The following PRTFDC1 variants were observed in gnomAD, a reference collection of about 807,000 sequenced individuals.
PRTFDC1 encodes the protein phosphoribosyl transferase domain containing 1.
A neutral mutation model predicts 34.6 loss-of-function variants in PRTFDC1; 38 were observed. The ratio of observed to expected loss-of-function variants is 1.10; its 90% CI spans 0.85 to 1.44. PRTFDC1 has a LOEUF of 1.44. Ranked by LOEUF, PRTFDC1 falls within the 40% of genes most tolerant of loss-of-function variation. The pLI, the probability that PRTFDC1 is intolerant of heterozygous loss-of-function variation, is 0.00. For synonymous variants in PRTFDC1, 93 were observed against 98.1 expected, an observed-to-expected ratio of 0.95 and a Z score of 0.31; for missense variants, 270 against 283.0, an observed-to-expected ratio of 0.95 and a Z score of 0.33.
chr10:24,864,009 GTC>G (rs1254143397), intron 4 of PRTFDC1, among the ~76,000 whole-genome samples: 1 of 81,526 alleles, frequency 1.2e-5, no homozygotes, highest in Admixed American at 1.5e-4. Context: ...GCAACAACTC[GTC>G]TCAAAAAAAA....
intron 3 of PRTFDC1, among the ~76,000 whole-genome samples, chr10:24,886,661 G>C (rs1160843508): frequency 1.3e-5 from 2 of 152,130 alleles, no homozygotes; most frequent in Non-Finnish European, 2.9e-5. Context: ...GCCCAAGCTG[G>C]AGTGCAACGG....
intron 3 of PRTFDC1, among the ~76,000 whole-genome samples, chr10:24,893,342 G>A (rs1021899036): frequency 2.0e-5 from 3 of 152,078 alleles, no homozygotes; most frequent in East Asian, 1.9e-4. Context: ...GGGCAGGAGT[G>A]CAGTGACGCA....
chr10:24,875,846 G>GTTTTT (rs61379088), intron 3 of PRTFDC1, among the ~76,000 whole-genome samples: 1 of 96,730 alleles, frequency 1.0e-5, no homozygotes, highest in African/African-American at 4.2e-5. Context: ...AATTCTCATA[G>GTTTTT]TTTTTTTTTT....
intron 3 of PRTFDC1, among the ~76,000 whole-genome samples, chr10:24,920,546 G>A (rs1261158985): frequency 4.6e-5 from 7 of 150,850 alleles, no homozygotes; most frequent in African/African-American, 7.4e-5. Context: ...TGGAAGATGC[G>A]GCGACAGCAT....
At chr10:24,908,674 C>A in intron 3 of PRTFDC1, 1 of 1,604,626 alleles carries the variant, frequency 6.2e-7, no homozygotes. Flanking sequence ...TCCTCTTCAA[C>A]CGAGCACGCA....
intron 1 of PRTFDC1, among the ~76,000 whole-genome samples, chr10:24,945,103 A>C (rs957148552): frequency 3.3e-5 from 5 of 151,942 alleles, no homozygotes; most frequent in Non-Finnish European, 5.9e-5. Context: ...ATTCAATGTC[A>C]CCTCTGCAAA....
At chr10:24,946,993 G>A (rs997368013) in intron 1 of PRTFDC1, among the ~76,000 whole-genome samples, 3 of 152,048 alleles carry the variant, frequency 2.0e-5, no homozygotes, top group Non-Finnish European at 2.9e-5. Flanking sequence ...AAAAAAAATT[G>A]TTCTGGTGTG....
rs1158349060 is a variant in PRTFDC1, at chr10:24,948,058, A to G, written c.48+4470T>C. On this transcript the variant is annotated intron_variant, in intron 1 of 8. Coordinates refer to ENST00000320152, the MANE Select transcript of PRTFDC1 (RefSeq NM_020200.7). ...GGTTTGCCCCACAGAAGGAAAACTC[A>G]TTACCACCTAGTAGAGCTGTGCTTT... Among the ~76,000 whole-genome samples, 3 of 152,072 alleles carry G rather than the reference A, an allele frequency of 2.0e-5. No homozygotes were observed. The East Asian group carries it at 5.8e-4, about 29-fold the overall frequency.
intron 3 of PRTFDC1, among the ~76,000 whole-genome samples, chr10:24,928,198 C>T (rs1848910776): frequency 6.6e-6 from 1 of 152,040 alleles, no homozygotes; most frequent in South Asian, 2.1e-4. Context: ...CTTCCCTCTT[C>T]TAGTCCTTTA....
chr10:24,881,027 CTCTA>C (rs370675216), intron 3 of PRTFDC1, among the ~76,000 whole-genome samples: 8 of 128,140 alleles, frequency 6.2e-5, no homozygotes, highest in African/African-American at 1.5e-4. Flanking sequence ...CTTTCTCTCT[CTCTA>C]TCTCTTTCTT....
At chr10:24,945,302 GAC>G (rs1247213001) in intron 1 of PRTFDC1, among the ~76,000 whole-genome samples, 2 of 152,166 alleles carry the variant, frequency 1.3e-5, no homozygotes, top group African/African-American at 2.4e-5. Flanking sequence ...ATGAATGGAT[GAC>G]ACAGTCTCCA....
rs746989215 is a variant in PRTFDC1, at chr10:24,855,365, C to T, written c.507-1G>A. The T allele has an allele frequency of 6.2e-7, 1 of 1,614,006 alleles. No individual in the cohort carries two copies. The highest frequency in any genetic ancestry group is 8.5e-7 in the Non-Finnish European group (1 of 1,179,962). ...TCTGGATGTTCTCTTCACCAACAAACTACCATTAAAAAAGACATGCTTTAG... is the reference window on the plus strand; with the variant it reads ...TCTGGATGTTCTCTTCACCAACAAATTACCATTAAAAAAGACATGCTTTAG... On this transcript the variant is annotated splice_acceptor_variant, in intron 6 of 8. Coordinates refer to ENST00000320152, the MANE Select transcript of PRTFDC1 (RefSeq NM_020200.7). LOFTEE classifies it high-confidence loss of function.
At chr10:24,857,422 C>T (rs539209653) in intron 5 of PRTFDC1, among the ~76,000 whole-genome samples, 1 of 152,308 alleles carries the variant, frequency 6.6e-6, no homozygotes, top group African/African-American at 2.4e-5. Context: ...TCCTCCCCCA[C>T]TCAATGGGGG....
chr10:24,930,582 A>G (rs1848955495), intron 3 of PRTFDC1, among the ~76,000 whole-genome samples: 1 of 152,106 alleles, frequency 6.6e-6, no homozygotes, highest in Non-Finnish European at 1.5e-5. Context: ...TTTTAGCCTA[A>G]TTTATCTCAA....
intron 3 of PRTFDC1, among the ~76,000 whole-genome samples, chr10:24,887,096 G>A (rs190929295): frequency 0.12 from 18,258 of 148,984 alleles, 1,446 homozygotes; most frequent in Non-Finnish European, 0.17. Flanking sequence ...TCAGCCTCCC[G>A]AGTAGCTGGG....
intron 3 of PRTFDC1, among the ~76,000 whole-genome samples, chr10:24,887,039 C>T (rs546838586): frequency 7.0e-6 from 1 of 143,018 alleles, no homozygotes; most frequent in South Asian, 2.3e-4. Context: ...GGCGCAATCT[C>T]GGCTCACTGC....
intron 2 of PRTFDC1, among the ~76,000 whole-genome samples, chr10:24,939,810 A>G (rs7068636): frequency 0.017 from 2,514 of 149,950 alleles, 81 homozygotes; most frequent in African/African-American, 0.06. Context: ...AAAAAAAAAA[A>G]AAAAAGAAAA....
At chr10:24,939,392 G>A (rs752313892) in intron 2 of PRTFDC1, among the ~76,000 whole-genome samples, 1 of 150,636 alleles carries the variant, frequency 6.6e-6, no homozygotes, top group South Asian at 2.1e-4. Context: ...TTATAAATAC[G>A]ATAGATACTA....
intron 3 of PRTFDC1, chr10:24,908,823 A>C: frequency 1.5e-6 from 2 of 1,336,166 alleles, no homozygotes; most frequent in South Asian, 1.7e-5. Flanking sequence ...CCCTTTTCCA[A>C]ATAGCCCATT....
Sources: allele counts gnomAD v4.1 joint callset (sites outside exome capture counted in the v4.1 genomes callset), GRCh38; gene constraint gnomAD v4.1.1; transcripts MANE v1.5; gene names NCBI Gene and HGNC (gene_info 2026-07-23, HGNC 2026-07-21).